The following KHNYN variants were observed in gnomAD, a reference collection of about 807,000 sequenced individuals.
The protein encoded by KHNYN is protein KHNYN.
Under a neutral mutation model 62.7 loss-of-function variants are expected in KHNYN, and 42 were observed. The ratio of observed to expected loss-of-function variants is 0.67; its 90% confidence interval spans 0.52 to 0.87. KHNYN has a LOEUF of 0.87. Ranked by LOEUF, KHNYN falls within the 40% of genes least tolerant of loss-of-function variation. The pLI is 0.00. For missense variants in KHNYN, 829 were observed against 874.1 expected (o/e 0.95, Z 0.65); for synonymous variants, 347 against 345.6 (o/e 1.00, Z -0.04).
upstream of KHNYN, chr14:24,429,161 C>G: frequency 8.4e-7 from 1 of 1,196,730 alleles, no homozygotes; most frequent in Non-Finnish European, 1.2e-6. Flanking sequence ...TCTGCCCTCT[C>G]TAGGCTCGCT....
At position 24,440,555 on chromosome 14, in the gene KHNYN, C is replaced by T. The variant is rs2043301376; in HGVS notation, c.*3270C>T. 6.6e-7 allele frequency: 1 copy of T among 1,519,814 alleles called. No homozygotes were observed. The highest frequency in any genetic ancestry group is 2.4e-5 in the East Asian group (1 of 41,138). 94.1% of individuals were successfully genotyped at this position (1,519,814 alleles called of 1,614,324 possible). A position where few individuals can be genotyped will look rare whatever the true frequency, so the allele number is the denominator to read the frequency against. ...AGCCTTGAAGGAGCCCACTGCTCCT[C>T]CTGGTTTCTGTTTCCCCTTCCTCAC... On this transcript the variant is annotated 3_prime_UTR_variant, in exon 8 of 8. Transcript: ENST00000553935.
chr14:24,431,013 A>C lies in KHNYN; in HGVS notation c.201+82A>C, dbSNP rs150778454. Reference sequence around the variant, plus strand: ...GGAGGAGAGCAGGGCCGAGGAGAGCAGGGAAGAGGAGGGGCCTGGGGAGGA... The same window carrying C: ...GGAGGAGAGCAGGGCCGAGGAGAGCCGGGAAGAGGAGGGGCCTGGGGAGGA... On this transcript the variant is annotated intron_variant, in intron 2 of 7. Coordinates refer to ENST00000553935, the MANE Select transcript of KHNYN (RefSeq NM_015299.3). 1,305 of 1,279,460 alleles carry C rather than the reference A, an allele frequency of 1.0e-3. 9 individuals carry two copies. In the African/African-American group the frequency reaches 0.018, roughly 17 times the overall value. The allele number at this position is 1,279,460 out of a possible 1,614,324, so 79.3% of individuals were successfully genotyped here.
chr14:24,428,351 G>T (rs766511854), upstream of KHNYN: 1 of 1,613,912 alleles, frequency 6.2e-7, no homozygotes, highest in Non-Finnish European at 8.5e-7. Context: ...CCCCGGACAG[G>T]GGCTACGAAG....
In KHNYN at chr14:24,437,184, T is replaced by TTTTG. The variant is rs750730107; in HGVS notation, c.1937_1940dup (p.Trp647CysfsTer26). 1 of 1,613,996 alleles carries TTTTG rather than the reference T, an allele frequency of 6.2e-7. No homozygotes were observed. The highest frequency in any genetic ancestry group is 1.1e-5 in the South Asian group (1 of 91,072). On this transcript the variant is annotated frameshift_variant, in exon 8 of 8. Transcript: ENST00000553935. LOFTEE classifies it high-confidence loss of function. The surrounding 1 kb of genome is among the most constrained non-coding windows in gnomAD (Gnocchi z 5.5). ...GCTCCGGCGGCAGCTGCTGGAGGTG[T>TTTTG]TTTGGGGTCAGGATCACAAAGTGGA...
At position 24,437,882 on chromosome 14, in the gene KHNYN, A is replaced by C. The variant is rs1306452597; in HGVS notation, c.*597A>C. 2 of 152,234 alleles carry C rather than the reference A, an allele frequency of 1.3e-5. No homozygotes were observed. The highest frequency in any genetic ancestry group is 2.9e-5 in the Non-Finnish European group (2 of 68,042). 9.4% of individuals were successfully genotyped at this position (152,234 alleles called of 1,614,324 possible). A position where few individuals can be genotyped will look rare whatever the true frequency, so the allele number is the denominator to read the frequency against. ...TGGGCTTTACTTCTGCCTACAAATCAGGGGTAAAAATACCTGTTGGGAGGA... is the reference window on the plus strand; with the variant it reads ...TGGGCTTTACTTCTGCCTACAAATCCGGGGTAAAAATACCTGTTGGGAGGA... On this transcript the variant is annotated 3_prime_UTR_variant, in exon 8 of 8. Coordinates refer to ENST00000553935, the MANE Select transcript of KHNYN (RefSeq NM_015299.3). This position sits in a 1 kb window ranked among gnomAD's most constrained non-coding sequence, Gnocchi z 5.5.
At chr14:24,427,112 C>T (rs139920563), upstream of KHNYN, 296 of 152,958 alleles carry the variant, frequency 1.9e-3, no homozygotes, top group Middle Eastern at 0.014. This position sits in a 1 kb window ranked among gnomAD's most constrained non-coding sequence, Gnocchi z 4.4. Context: ...GGGCCAGAGT[C>T]CATCTGGGAT....
rs2043207525 is a variant in KHNYN at position 24,436,530 on chromosome 14, C to G, written c.1787+41C>G. On this transcript the variant is annotated intron_variant, in intron 7 of 7. Transcript: ENST00000553935. Reference sequence around the variant, plus strand: ...GACTACTTACAGGCAGCCCCCACCCCTGGCCCTCTCTCAGCAGGCCCAGAG... The same window carrying G: ...GACTACTTACAGGCAGCCCCCACCCGTGGCCCTCTCTCAGCAGGCCCAGAG... 2.1e-6 allele frequency: 3 copies of G among 1,439,770 alleles called. No individual in the cohort carries two copies. The East Asian group carries it at 6.8e-5, about 33-fold the overall frequency. The allele number at this position is 1,439,770 out of a possible 1,614,324, so 89.2% of individuals were successfully genotyped here.
chr14:24,430,013 G>T lies in KHNYN; in HGVS notation c.-124G>T, dbSNP rs1428306789. On this transcript the variant is annotated 5_prime_UTR_variant, in exon 1 of 8. Coordinates refer to ENST00000553935, the MANE Select transcript of KHNYN (RefSeq NM_015299.3). ...CTGGGTGAGGAACCCGGGAAGGCCC[G>T]CCCAGATTCGGGCCCCCTGCCCTTG... 2 of 985,718 alleles carry T rather than the reference G, an allele frequency of 2.0e-6. No homozygotes were observed. Among genetic ancestry groups the T allele is most frequent in the Non-Finnish European group, 2.4e-6 (2 of 830,082 alleles). The allele number at this position is 985,718 out of a possible 1,614,324, so 61.1% of individuals were successfully genotyped here.
In KHNYN at chr14:24,436,482, C is replaced by G. The variant is rs1566501691; in HGVS notation, c.1780C>G (p.Pro594Ala). The G allele has an allele frequency of 1.2e-6, 2 of 1,611,576 alleles. No homozygotes were observed. Among genetic ancestry groups the G allele is most frequent in the Non-Finnish European group, 1.7e-6 (2 of 1,178,612 alleles). ...CACCCTGGATGAATTTCTGAAGAAG[C>G]CAGCCAGGTAATCAATCCCCTAGAC... ...GPTLDEFLKKPARTQGSSKAQ... is the reference protein window; with the variant it reads ...GPTLDEFLKKAARTQGSSKAQ... Residue 594 changes from proline (P) to alanine (A), a missense_variant, in exon 7 of 8, where the codon CCA becomes GCA. Physicochemically the swap from Pro to Ala is conservative, Grantham distance 27. Coordinates refer to ENST00000553935, the MANE Select transcript of KHNYN (RefSeq NM_015299.3).
In KHNYN at chr14:24,437,101, A is replaced by G. The variant is rs1386093282; in HGVS notation, c.1853A>G (p.Gln618Arg). 1.9e-6 allele frequency: 3 copies of G among 1,614,208 alleles called. No homozygotes were observed. In the South Asian group the frequency reaches 3.3e-5, roughly 18 times the overall value. ...RGFAEHGKQQ[Q>R]GREEEKGSGG... ...TTTGCAGAACATGGTAAACAGCAGC[A>G]GGGGAGAGAAGAGGAAAAAGGTAGT... Residue 618 changes from glutamine to arginine, a missense_variant, in exon 8 of 8, where the codon CAG (glutamine) becomes CGG (arginine). Physicochemically the swap from Gln to Arg is conservative, Grantham distance 43. Around this residue, in one of 2 missense-constraint regions of KHNYN, gnomAD observed 270 missense variants for 347.1 expected, o/e 0.78. Coordinates refer to ENST00000553935, the MANE Select transcript of KHNYN (RefSeq NM_015299.3). This position sits in a 1 kb window ranked among gnomAD's most constrained non-coding sequence, Gnocchi z 5.5.
rs201732690 is a variant in KHNYN, at chr14:24,433,011, G to C, written c.1556G>C (p.Arg519Thr). 6.2e-7 allele frequency: 1 copy of C among 1,614,138 alleles called. No homozygotes were observed. Among genetic ancestry groups the C allele is most frequent in the African/African-American group, 1.3e-5 (1 of 75,050 alleles). ...CCCTCACGAGTCATGGATGGCAAGAGGATCTCCTCCTATGATGACAGGTAC... is the reference window on the plus strand; with the variant it reads ...CCCTCACGAGTCATGGATGGCAAGACGATCTCCTCCTATGATGACAGGTAC... ...LTPSRVMDGK[R>T]ISSYDDRFMV... is the part of the protein sequence containing the mutation. Residue 519 changes from arginine to threonine, a missense_variant, in exon 5 of 8, where the codon AGG (arginine) becomes ACG (threonine). Transcript: ENST00000553935.
chr14:24,428,988 C>A (rs1298335541), upstream of KHNYN: 4 of 1,550,332 alleles, frequency 2.6e-6, no homozygotes, highest in Non-Finnish European at 1.7e-6. Flanking sequence ...GCCAGAAGCA[C>A]CAGAACCAAG....
intron 1 of KHNYN, 63 bp downstream of exon 1, chr14:24,430,182 C>T: frequency 6.2e-6 from 6 of 975,162 alleles, no homozygotes; most frequent in Non-Finnish European, 7.3e-6. Context: ...GGAGTAGGCC[C>T]GGCCCGGGGT....
At chr14:24,429,546 T>G, upstream of KHNYN, 3 of 453,026 alleles carry the variant, frequency 6.6e-6, no homozygotes, top group Non-Finnish European at 1.2e-5. Context: ...CATCTTTCCG[T>G]TTGTTGGAAG....
chr14:24,424,076 T>C, the KHNYN span, among the ~76,000 whole-genome samples: 2 of 152,236 alleles, frequency 1.3e-5, no homozygotes, highest in Non-Finnish European at 2.9e-5. Context: ...TGTCAGTTTC[T>C]CTAAAAGCTT....
At chr14:24,424,367 G>A (rs2043001070), upstream of KHNYN, among the ~76,000 whole-genome samples, 1 of 152,154 alleles carries the variant, frequency 6.6e-6, no homozygotes, top group African/African-American at 2.4e-5. Flanking sequence ...AAATTTTCAA[G>A]CCCATACGTT....
upstream of KHNYN, chr14:24,429,937 G>A: frequency 3.0e-6 from 3 of 998,932 alleles, no homozygotes; most frequent in South Asian, 1.2e-4. Flanking sequence ...CCCAGGCCAG[G>A]AAGTGACTCA....
At position 24,441,301 on chromosome 14, in the gene KHNYN, T is replaced by G; in HGVS notation, c.*4016T>G. On this transcript the variant is annotated 3_prime_UTR_variant, in exon 8 of 8. Coordinates refer to ENST00000553935, the MANE Select transcript of KHNYN (RefSeq NM_015299.3). ...AATAATAGTACCTACCTCATAGGGTTGTTGTAAGGAATAAATGATAATAAG... is the reference window on the plus strand; with the variant it reads ...AATAATAGTACCTACCTCATAGGGTGGTTGTAAGGAATAAATGATAATAAG... The G allele has an allele frequency of 2.3e-6, 1 of 442,170 alleles. No individual in the cohort carries two copies. Among genetic ancestry groups the G allele is most frequent in the Non-Finnish European group, 4.1e-6 (1 of 243,470 alleles). 27.4% of individuals were successfully genotyped at this position (442,170 alleles called of 1,614,324 possible).
upstream of KHNYN, among the ~76,000 whole-genome samples, chr14:24,425,606 T>C (rs1241589024): frequency 6.6e-6 from 1 of 152,236 alleles, no homozygotes; most frequent in African/African-American, 2.4e-5. Context: ...TTTTTCTATG[T>C]GAGACAAAAA....
Sources: allele counts gnomAD v4.1 joint callset (sites outside exome capture counted in the v4.1 genomes callset), GRCh38; gene constraint gnomAD v4.1.1; regional missense constraint gnomAD v4.1.1; non-coding constraint Gnocchi (gnomAD v3.1); transcripts MANE v1.5; gene names NCBI Gene and HGNC (gene_info 2026-07-23, HGNC 2026-07-21).